HERC1: variants seen among roughly 807,000 people sequenced by gnomAD.
HERC1 encodes the protein probable E3 ubiquitin-protein ligase HERC1.
HERC1 carries 160 observed loss-of-function variants against 554.3 expected under a neutral mutation model. The ratio of observed to expected loss-of-function variants is 0.29; its 90% confidence interval spans 0.25 to 0.33. HERC1 has a LOEUF of 0.33. HERC1 is among the 10% of genes least tolerant of loss of function. The probability of loss-of-function intolerance (pLI) is 1.00; values close to 1 mark genes in which losing one functional copy is unlikely to be tolerated. For missense variants in HERC1, 4,919 were observed against 5,918.5 expected (o/e 0.83, Z 5.54); for synonymous variants, 2,175 against 2,131.7 (o/e 1.02, Z -0.56).
chr15:63,647,278 GA>G (rs146393826), intron 55 of HERC1, among the ~76,000 whole-genome samples: 3,405 of 142,132 alleles, frequency 0.024, 46 homozygotes, highest in African/African-American at 0.03. Context: ...TACATTAAAA[GA>G]AAAAAAAAAA....
At chr15:63,714,341 G>A (rs2073438861) in intron 22 of HERC1, among the ~76,000 whole-genome samples, 1 of 152,048 alleles carries the variant, frequency 6.6e-6, no homozygotes, top group Non-Finnish European at 1.5e-5. Flanking sequence ...AAAGGTCTTT[G>A]CTGAAACAGA....
At chr15:63,725,989 G>A (rs933273607) in intron 17 of HERC1, among the ~76,000 whole-genome samples, 3 of 151,658 alleles carry the variant, frequency 2.0e-5, no homozygotes, top group African/African-American at 4.8e-5. Context: ...GGGGGCGGGG[G>A]TGGAGGGGAG....
intron 34 of HERC1, among the ~76,000 whole-genome samples, chr15:63,681,897 C>T (rs1310134279): frequency 1.3e-5 from 2 of 152,154 alleles, no homozygotes; most frequent in African/African-American, 4.8e-5. Context: ...CACCTGTGTC[C>T]TTCCCTTATT....
chr15:63,768,182 T>C (rs2075842114), intron 2 of HERC1, among the ~76,000 whole-genome samples: 1 of 152,266 alleles, frequency 6.6e-6, no homozygotes, highest in Non-Finnish European at 1.5e-5. Context: ...CTGGGTCATC[T>C]GCTATTAACC....
rs1412829621 is a variant in HERC1, at chr15:63,699,010, G to A, written c.4637-14C>T. ...TGTGCATAGGACCTATATACAAACA[G>A]AATAAACATATATCAATGGCAATCA... On this transcript the variant is annotated splice_polypyrimidine_tract_variant and intron_variant, in intron 25 of 77. Transcript: ENST00000443617. The A allele has an allele frequency of 4.4e-6, 7 of 1,589,794 alleles. No individual in the cohort carries two copies. The highest frequency in any genetic ancestry group is 6.0e-6 in the Non-Finnish European group (7 of 1,162,630).
intron 54 of HERC1, among the ~76,000 whole-genome samples, chr15:63,648,867 A>G (rs137982534): frequency 6.6e-6 from 1 of 152,318 alleles, no homozygotes; most frequent in African/African-American, 2.4e-5. Flanking sequence ...TTAATGGAAT[A>G]CCATGTAAGC....
chr15:63,787,443 C>T (rs886070485), intron 1 of HERC1, among the ~76,000 whole-genome samples: 4 of 152,076 alleles, frequency 2.6e-5, no homozygotes, highest in African/African-American at 7.2e-5. Flanking sequence ...AGGCATGAGC[C>T]GCCACGGCTG....
intron 1 of HERC1, among the ~76,000 whole-genome samples, chr15:63,806,667 C>T (rs567668287): frequency 3.9e-5 from 6 of 152,254 alleles, no homozygotes; most frequent in East Asian, 1.9e-4. Context: ...AACAAGTCTA[C>T]GGAGAAATAA....
At chr15:63,650,374 AAAATAAAT>A (rs556654636) in intron 53 of HERC1, among the ~76,000 whole-genome samples, 31 of 152,010 alleles carry the variant, frequency 2.0e-4, no homozygotes, top group African/African-American at 7.5e-4. Context: ...ACTCCGTCTC[AAAATAAAT>A]AAATAAATAA....
Position 63,818,900 on chromosome 15 carries a change from A to T in HERC1, c.-27+14927T>A, listed in dbSNP as rs1045168320. On this transcript the variant is annotated intron_variant, in intron 1 of 77. Transcript: ENST00000443617. ...TTACTGCAGCCTACTAGTAGGTTTT[A>T]ATTAAAATATTGGTTTAAAAGATAT... Among the ~76,000 whole-genome samples, 3 of 152,240 alleles carry T rather than the reference A, an allele frequency of 2.0e-5. No homozygotes were observed. The East Asian group carries it at 5.8e-4, about 29-fold the overall frequency.
rs777031166 is a variant in HERC1, at chr15:63,656,117, C to T, written c.9841G>A (p.Ala3281Thr). 3.7e-6 allele frequency: 6 copies of T among 1,612,556 alleles called. No individual in the cohort carries two copies. The East Asian group carries it at 1.3e-4, about 36-fold the overall frequency. ...GCLASNAPSA[A>T]KLLVQLCTQN... ...GTACACAACTGTACAAGCAGTTTGG[C>T]AGCACTAGGAGCATTTGATGCCAGA... Residue 3281 changes from alanine to threonine, a missense_variant, in exon 49 of 78, where the codon GCC becomes ACC. Physicochemically the swap from Ala to Thr is moderately conservative, Grantham distance 58 (BLOSUM62 0). Around this residue, in one of 11 missense-constraint regions of HERC1, gnomAD observed 1,963 missense variants for 2,228.6 expected, o/e 0.88. Coordinates refer to ENST00000443617, the MANE Select transcript of HERC1 (RefSeq NM_003922.4).
intron 52 of HERC1, 34 bp from the exon 53 acceptor site, chr15:63,651,414 C>T (rs1364954223): frequency 2.5e-6 from 4 of 1,585,324 alleles, no homozygotes; most frequent in Non-Finnish European, 3.4e-6. Context: ...CAGTTCTAAT[C>T]CCCATCATTC....
chr15:63,794,925 G>T (rs758366183), intron 1 of HERC1, among the ~76,000 whole-genome samples: 1 of 151,878 alleles, frequency 6.6e-6, no homozygotes, highest in African/African-American at 2.4e-5. Context: ...AATTAGCCAG[G>T]CGTGGTGGTG....
intron 25 of HERC1, among the ~76,000 whole-genome samples, chr15:63,705,526 T>C (rs2072957620): frequency 6.6e-6 from 1 of 152,184 alleles, no homozygotes; most frequent in Non-Finnish European, 1.5e-5. Flanking sequence ...TATGTGTGCA[T>C]TGCTTTCCCT....
Position 63,786,916 on chromosome 15 carries a change from TATTA to T in HERC1, c.-26-11271_-26-11268del, listed in dbSNP as rs771358672. On this transcript the variant is annotated intron_variant, in intron 1 of 77. Transcript: ENST00000443617. ...TGATGTGAACTTCAACTCAATAAAT[TATTA>T]TTTTTTTTTTTTTTATTTTTTGAGA... is the stretch of plus-strand genomic sequence containing the variant. Among the ~76,000 whole-genome samples the T allele has an allele frequency of 3.3e-4, 41 of 122,468 alleles. 1 individual carries two copies. Among genetic ancestry groups the T allele is most frequent in the Non-Finnish European group, 4.2e-4 (23 of 54,184 alleles). 80.3% of individuals were successfully genotyped at this position (122,468 alleles called of 152,430 possible).
intron 1 of HERC1, among the ~76,000 whole-genome samples, chr15:63,818,103 A>T (rs554132475): frequency 3.9e-5 from 6 of 152,272 alleles, no homozygotes; most frequent in Non-Finnish European, 7.4e-5. Flanking sequence ...CTTATTTGCA[A>T]GTCTGTTAAC....
intron 71 of HERC1, among the ~76,000 whole-genome samples, chr15:63,625,126 A>G (rs2068244703): frequency 6.6e-6 from 1 of 151,584 alleles, no homozygotes; most frequent in African/African-American, 2.4e-5. Flanking sequence ...TCACGCATGC[A>G]CACACACACA....
At chr15:63,646,645 C>CA (rs767283019) in intron 55 of HERC1, among the ~76,000 whole-genome samples, 1,763 of 135,424 alleles carry the variant, frequency 0.013, 14 homozygotes, top group Non-Finnish European at 0.018. Flanking sequence ...AGTAAAAATA[C>CA]AAAAAAAAAA....
intron 38 of HERC1, 104 bp downstream of exon 38, chr15:63,674,238 T>A (rs76075647): frequency 5.8e-3 from 2,470 of 424,804 alleles, no homozygotes; most frequent in Non-Finnish European, 7.3e-3. Context: ...AAAAAAAAAA[T>A]TTTTTTTTTT....
Sources: gnomAD v4.1 joint callset for allele counts (sites outside exome capture counted in the v4.1 genomes callset) on GRCh38, gnomAD v4.1.1 for gene constraint, gnomAD v4.1.1 regional missense constraint, MANE v1.5 for transcripts, NCBI Gene and HGNC (gene_info 2026-07-23, HGNC 2026-07-21) for gene names.